Variants in TMEM131 observed in about 807,000 individuals in gnomAD.
TMEM131 encodes the protein 2610524E03Rik.
TMEM131 carries 66 observed loss-of-function variants against 211.6 expected under a neutral mutation model. The ratio of observed to expected loss-of-function variants is 0.31; its 90% CI spans 0.26 to 0.38. TMEM131 has a LOEUF of 0.38. Ranked by LOEUF, TMEM131 falls within the 10% of genes least tolerant of loss-of-function variation. The pLI is 1.00. For missense variants in TMEM131, 2,036 were observed against 2,299.3 expected (o/e 0.89, Z 2.34); for synonymous variants, 844 against 841.3 (o/e 1.00, Z -0.06).
At chr2:97,928,783 C>A (rs1217004537) in intron 1 of TMEM131, among the ~76,000 whole-genome samples, 1 of 151,706 alleles carries the variant, frequency 6.6e-6, no homozygotes, top group Non-Finnish European at 1.5e-5. Flanking sequence ...ATACTGGGAG[C>A]CAGGTGTCTC....
At chr2:97,784,027 G>A (rs1430564949) in intron 31 of TMEM131, among the ~76,000 whole-genome samples, 1 of 151,716 alleles carries the variant, frequency 6.6e-6, no homozygotes, top group Non-Finnish European at 1.5e-5. Context: ...TGATAAAACA[G>A]TCAATCCACC....
chr2:97,990,485 T>C (rs552669388), intron 1 of TMEM131, among the ~76,000 whole-genome samples: 3 of 152,346 alleles, frequency 2.0e-5, no homozygotes, highest in African/African-American at 7.2e-5. Flanking sequence ...GGCGGAATCC[T>C]GGCTCCACTA....
intron 39 of TMEM131, 22 bp downstream of exon 39, chr2:97,759,630 A>G (rs1189264239): frequency 3.8e-6 from 6 of 1,573,342 alleles, no homozygotes; most frequent in Non-Finnish European, 5.2e-6. Context: ...TATTAGTTAC[A>G]CATCTAGTGT....
intron 2 of TMEM131, among the ~76,000 whole-genome samples, chr2:97,916,162 C>T (rs1464053702): frequency 1.3e-5 from 2 of 152,154 alleles, no homozygotes; most frequent in Admixed American, 6.5e-5. Context: ...ATGATCCACC[C>T]GCCTCAGCCT....
chr2:97,865,087 T>C (rs181479076), intron 4 of TMEM131, among the ~76,000 whole-genome samples: 4 of 152,372 alleles, frequency 2.6e-5, no homozygotes, highest in East Asian at 1.9e-4. Context: ...TGTGTATGTA[T>C]GGAACTGGGG....
chr2:97,818,480 G>GGGGAAAAAAAAAAAA, intron 12 of TMEM131, 133 bp downstream of exon 12: 1 of 255,724 alleles, frequency 3.9e-6, no homozygotes. Flanking sequence ...GGGCGGGGGG[G>GGGGAAAAAAAAAAAA]GATCAACCTA....
chr2:97,901,855 C>A (rs577326185), intron 3 of TMEM131, among the ~76,000 whole-genome samples: 1 of 152,212 alleles, frequency 6.6e-6, no homozygotes, highest in East Asian at 1.9e-4. Context: ...TATTAACAGA[C>A]AGAAGGAATA....
chr2:97,806,904 C>A (rs576488591), intron 19 of TMEM131, among the ~76,000 whole-genome samples: 3 of 152,274 alleles, frequency 2.0e-5, no homozygotes, highest in Non-Finnish European at 4.4e-5. Flanking sequence ...CACCCGACAG[C>A]CAGCAGAGGG....
chr2:97,879,829 A>T (rs571331332), intron 4 of TMEM131, among the ~76,000 whole-genome samples: 1 of 152,214 alleles, frequency 6.6e-6, no homozygotes, highest in South Asian at 2.1e-4. Context: ...TTATATTATC[A>T]GTAAGGCTTC....
intron 11 of TMEM131, among the ~76,000 whole-genome samples, chr2:97,820,506 T>A (rs1028728673): frequency 1.3e-5 from 2 of 152,138 alleles, no homozygotes; most frequent in Non-Finnish European, 2.9e-5. Context: ...GATGTTTAAC[T>A]AGAGATGTGA....
chr2:97,815,404 G>T, intron 12 of TMEM131, 97 bp from the exon 13 acceptor site: 1 of 648,836 alleles, frequency 1.5e-6, no homozygotes, highest in Non-Finnish European at 2.4e-6. Context: ...AAAAAAAAAA[G>T]TTGAGCTTCC....
intron 1 of TMEM131, among the ~76,000 whole-genome samples, chr2:97,929,387 G>A: frequency 6.6e-6 from 1 of 151,680 alleles, no homozygotes; most frequent in South Asian, 2.1e-4. Flanking sequence ...ACTTTCACAT[G>A]CAGAATTTCA....
intron 2 of TMEM131, among the ~76,000 whole-genome samples, chr2:97,916,138 A>T (rs908522187): frequency 4.0e-5 from 6 of 151,882 alleles, no homozygotes; most frequent in Non-Finnish European, 7.4e-5. Flanking sequence ...CTGGTCTCAA[A>T]CTCCTGACCT....
chr2:97,959,614 G>C (rs140653711), intron 1 of TMEM131, among the ~76,000 whole-genome samples: 74 of 152,032 alleles, frequency 4.9e-4, no homozygotes, highest in African/African-American at 1.5e-3. Context: ...GCAGGCTACA[G>C]ACACCACAAC....
intron 1 of TMEM131, among the ~76,000 whole-genome samples, chr2:97,954,139 A>G (rs2104542774): frequency 6.6e-6 from 1 of 152,306 alleles, no homozygotes; most frequent in South Asian, 2.1e-4. Context: ...AATTCAAAGC[A>G]AGTAGAATGA....
chr2:97,906,150 C>G (rs1457773228), intron 3 of TMEM131, among the ~76,000 whole-genome samples: 1 of 152,162 alleles, frequency 6.6e-6, no homozygotes. Context: ...TCAAAACAGT[C>G]TGCCAGGCCC....
chr2:97,858,923 G>A (rs1283512591), intron 5 of TMEM131, among the ~76,000 whole-genome samples: 2 of 152,214 alleles, frequency 1.3e-5, no homozygotes, highest in Non-Finnish European at 1.5e-5. Flanking sequence ...AACCCAGTGT[G>A]CTTACAGTTT....
chr2:97,918,930 T>G (rs879558862), intron 2 of TMEM131, among the ~76,000 whole-genome samples: 1 of 152,218 alleles, frequency 6.6e-6, no homozygotes, highest in African/African-American at 2.4e-5. Context: ...AAAGTTCAAA[T>G]GTGTTGGTTG....
chr2:97,922,205 T>A (rs950057832), intron 2 of TMEM131, among the ~76,000 whole-genome samples: 1 of 152,204 alleles, frequency 6.6e-6, no homozygotes, highest in Admixed American at 6.5e-5. Context: ...TTTGCACTCC[T>A]ATGAGAATCT....
Sources: allele counts gnomAD v4.1 joint callset (sites outside exome capture counted in the v4.1 genomes callset), GRCh38; gene constraint gnomAD v4.1.1; transcripts MANE v1.5; gene names NCBI Gene and HGNC (gene_info 2026-07-23, HGNC 2026-07-21).